METTL16: variants seen among roughly 807,000 people sequenced by gnomAD.
METTL16 encodes the protein methyltransferase 16, RNA N6-adenosine.
Under a neutral mutation model 57.9 loss-of-function variants are expected in METTL16, and 19 were observed. The ratio of observed to expected loss-of-function variants is 0.33; its 90% CI spans 0.23 to 0.48. The LOEUF is 0.48. METTL16 is among the 20% of genes least tolerant of loss of function. METTL16 has a pLI of 0.99. For missense variants in METTL16, 434 were observed against 691.5 expected, an observed-to-expected ratio of 0.63 and a Z score of 4.18; for synonymous variants, 246 against 255.6, an observed-to-expected ratio of 0.96 and a Z score of 0.36.
chr17:2,507,812 G>C (rs992914423), intron 1 of METTL16, among the ~76,000 whole-genome samples: 7 of 152,162 alleles, frequency 4.6e-5, no homozygotes, highest in Middle Eastern at 3.2e-3. Context: ...GGATCCTGTT[G>C]ATCTGTGACC....
chr17:2,483,509 G>A (rs151285873), intron 2 of METTL16, among the ~76,000 whole-genome samples: 2 of 152,242 alleles, frequency 1.3e-5, no homozygotes, highest in African/African-American at 4.8e-5. Flanking sequence ...GGGGTATTAA[G>A]TTTATTCTTA....
intron 6 of METTL16, among the ~76,000 whole-genome samples, chr17:2,462,382 T>G (rs1022493306): frequency 5.7e-4 from 86 of 151,902 alleles, no homozygotes; most frequent in African/African-American, 2.0e-3. Context: ...ACATGAAGAG[T>G]TCTGGAGACT....
chr17:2,493,332 G>T (rs542150495), intron 2 of METTL16, among the ~76,000 whole-genome samples: 1 of 150,926 alleles, frequency 6.6e-6, no homozygotes, highest in African/African-American at 2.4e-5. Flanking sequence ...CTCATGATCC[G>T]CCCGCCTTGG....
intron 8 of METTL16, among the ~76,000 whole-genome samples, chr17:2,428,596 TA>T (rs1265045948): frequency 0.27 from 10,749 of 39,672 alleles, 1,597 homozygotes; most frequent in East Asian, 0.51. Context: ...TATATATATA[TA>T]TATATAAATT....
At chr17:2,475,576 A>G (rs970068853) in intron 3 of METTL16, among the ~76,000 whole-genome samples, 5 of 152,246 alleles carry the variant, frequency 3.3e-5, no homozygotes, top group Admixed American at 2.6e-4. Flanking sequence ...AGCGCCAAAA[A>G]AAGTTTCTTA....
intron 8 of METTL16, among the ~76,000 whole-genome samples, chr17:2,423,791 G>C (rs560685768): frequency 1.3e-5 from 2 of 152,168 alleles, no homozygotes; most frequent in Admixed American, 1.3e-4. Flanking sequence ...TTATGCTAAA[G>C]CTGACCTGCG....
chr17:2,508,204 CA>C (rs1175102336), intron 1 of METTL16, among the ~76,000 whole-genome samples: 1 of 151,852 alleles, frequency 6.6e-6, no homozygotes, highest in Non-Finnish European at 1.5e-5. Flanking sequence ...TTGTTAGAGA[CA>C]TAATTTTACA....
At chr17:2,435,368 C>A (rs1354653572) in intron 8 of METTL16, among the ~76,000 whole-genome samples, 1 of 152,132 alleles carries the variant, frequency 6.6e-6, no homozygotes, top group Non-Finnish European at 1.5e-5. Context: ...AAGCAGCATC[C>A]TCCTCCTTCC....
At chr17:2,510,638 C>T (rs2067580796) in intron 1 of METTL16, among the ~76,000 whole-genome samples, 1 of 152,098 alleles carries the variant, frequency 6.6e-6, no homozygotes, top group East Asian at 1.9e-4. Context: ...ATAACCTATT[C>T]TTCAGAGTTT....
In METTL16 at chr17:2,456,289, C is replaced by T. The variant is rs528657862; in HGVS notation, c.728+7919G>A. On this transcript the variant is annotated intron_variant, in intron 6 of 9. Transcript: ENST00000263092. ...TAAAACACCTTTACTGACTGACAAC[C>T]CTACTTTGGGTCCCAGTCAAAGATG... is the stretch of plus-strand genomic sequence containing the variant. 1.1e-3 allele frequency among the ~76,000 whole-genome samples: 168 copies of T among 149,110 alleles called. 1 individual carries two copies. The highest frequency in any genetic ancestry group is 6.9e-3 in the South Asian group (33 of 4,814).
chr17:2,463,608 C>T (rs762249853), intron 6 of METTL16, among the ~76,000 whole-genome samples: 18 of 151,848 alleles, frequency 1.2e-4, no homozygotes, highest in Admixed American at 1.2e-3. Flanking sequence ...ACTACAGGCA[C>T]CCACCACCAC....
At chr17:2,433,912 A>G (rs1435953209) in intron 8 of METTL16, among the ~76,000 whole-genome samples, 2 of 151,506 alleles carry the variant, frequency 1.3e-5, no homozygotes, top group Non-Finnish European at 2.9e-5. Flanking sequence ...CCTTTTCTCA[A>G]CTCCTGGCCA....
At chr17:2,492,014 A>T (rs1318912513) in intron 2 of METTL16, among the ~76,000 whole-genome samples, 10 of 150,716 alleles carry the variant, frequency 6.6e-5, no homozygotes, top group East Asian at 5.9e-4. Flanking sequence ...GATCGAGACC[A>T]TCCTGGCTAA....
intron 6 of METTL16, among the ~76,000 whole-genome samples, chr17:2,460,904 A>C (rs2067145554): frequency 1.3e-5 from 2 of 151,692 alleles, no homozygotes; most frequent in South Asian, 4.1e-4. Flanking sequence ...AAAAAAAAAA[A>C]GTCATCATGA....
intron 6 of METTL16, among the ~76,000 whole-genome samples, chr17:2,442,232 CAT>C (rs1179395010): frequency 2.0e-5 from 3 of 152,308 alleles, no homozygotes; most frequent in East Asian, 1.9e-4. Flanking sequence ...CTGGACAAAA[CAT>C]ATAAAATAGC....
chr17:2,430,038 T>G (rs923129690), intron 8 of METTL16, among the ~76,000 whole-genome samples: 1 of 151,680 alleles, frequency 6.6e-6, no homozygotes, highest in African/African-American at 2.4e-5. Context: ...AGTCTCAAAC[T>G]CCTAACCTCA....
At chr17:2,470,608 A>G (rs767366289) in intron 4 of METTL16, among the ~76,000 whole-genome samples, 30 of 152,186 alleles carry the variant, frequency 2.0e-4, no homozygotes, top group Non-Finnish European at 4.0e-4. Context: ...CAGGAGTTCA[A>G]GACCAGCCTG....
chr17:2,444,521 G>A (rs2066979903), intron 6 of METTL16, among the ~76,000 whole-genome samples: 1 of 152,102 alleles, frequency 6.6e-6, no homozygotes, highest in Non-Finnish European at 1.5e-5. Context: ...TGATGTCGTA[G>A]CTGTTGCAAC....
At chr17:2,499,300 A>T (rs1035554386) in intron 2 of METTL16, among the ~76,000 whole-genome samples, 3 of 150,734 alleles carry the variant, frequency 2.0e-5, no homozygotes, top group Non-Finnish European at 4.4e-5. Context: ...TAGTAAGTAT[A>T]GAGAGGAAAC....
Sources: allele counts gnomAD v4.1 joint callset (sites outside exome capture counted in the v4.1 genomes callset), GRCh38; gene constraint gnomAD v4.1.1; transcripts MANE v1.5; gene names NCBI Gene and HGNC (gene_info 2026-07-23, HGNC 2026-07-21).